Variants in HDAC2 observed in about 807,000 individuals in gnomAD.
The protein encoded by HDAC2 is YY1-associated factor 1.
Under a neutral mutation model 68.5 loss-of-function variants are expected in HDAC2, and 5 were observed. The observed-to-expected ratio is 0.07, with a 90% CI of 0.04 to 0.15. The LOEUF (loss-of-function observed/expected upper bound fraction) is 0.15. Among genes scored for constraint, HDAC2 ranks in the 10% least tolerant of loss-of-function variants. The probability of loss-of-function intolerance (pLI) is 1.00; values close to 1 mark genes in which losing one functional copy is unlikely to be tolerated. For missense variants in HDAC2, 291 were observed against 600.8 expected, an observed-to-expected ratio of 0.48 and a Z score of 5.39; for synonymous variants, 182 against 191.3, an observed-to-expected ratio of 0.95 and a Z score of 0.40.
rs768101468 is a variant in HDAC2, at chr6:113,948,885, C to T, written c.841+94G>A. The T allele has an allele frequency of 4.3e-6, 6 of 1,393,372 alleles. No individual in the cohort carries two copies. In the South Asian group the frequency reaches 6.9e-5, roughly 16 times the overall value. The allele number at this position is 1,393,372 out of a possible 1,614,324, so 86.3% of individuals were successfully genotyped here. On this transcript the variant is annotated intron_variant, in intron 8 of 13. Transcript: ENST00000519065. Reference sequence around the variant, plus strand: ...AATGCAGAGTACAGTGTTAAAACAGCAGGCAAGAAACTACAATGAGAACTT... The same window carrying T: ...AATGCAGAGTACAGTGTTAAAACAGTAGGCAAGAAACTACAATGAGAACTT...
In HDAC2 at chr6:113,970,988, G is replaced by T. The variant is rs755632737; in HGVS notation, c.-80C>A. The T allele has an allele frequency of 6.4e-7, 1 of 1,573,802 alleles. No individual in the cohort carries two copies. Among genetic ancestry groups the T allele is most frequent in the Admixed American group, 1.9e-5 (1 of 53,252 alleles). On this transcript the variant is annotated 5_prime_UTR_variant, in exon 1 of 14. Transcript: ENST00000519065. ...GCTGCTGCCGCCGCGGCTCGGCCGG[G>T]AGAGAAAAGGGCTGAGGGAAACGTG...
In HDAC2 at chr6:113,940,843, C is replaced by G. The variant is rs1262905506; in HGVS notation, c.*215G>C. 1.1e-5 allele frequency: 5 copies of G among 446,582 alleles called. No individual in the cohort carries two copies. Among genetic ancestry groups the G allele is most frequent in the Non-Finnish European group, 1.6e-5 (4 of 252,558 alleles). The allele number at this position is 446,582 out of a possible 1,614,324, so 27.7% of individuals were successfully genotyped here. A position where few individuals can be genotyped will look rare whatever the true frequency, so the allele number is the denominator to read the frequency against. The stretch of plus-strand genomic sequence containing the variant: ...CTCACATCAATTTTAAATACTATCA[C>G]ATAAAGCATGGTGGAGAAAAGAAAT... On this transcript the variant is annotated 3_prime_UTR_variant, in exon 14 of 14. Coordinates refer to ENST00000519065, the MANE Select transcript of HDAC2 (RefSeq NM_001527.4).
rs1285764442 is a variant in HDAC2, at chr6:113,956,601, G to C, written c.358+18C>G. The C allele has an allele frequency of 6.4e-7, 1 of 1,574,538 alleles. No individual in the cohort carries two copies. The highest frequency in any genetic ancestry group is 1.1e-5 in the South Asian group (1 of 90,140). On this transcript the variant is annotated intron_variant, in intron 4 of 13. Coordinates refer to ENST00000519065, the MANE Select transcript of HDAC2 (RefSeq NM_001527.4). ...CAAGTTCAGATCAACTTTTAAATCT[G>C]ATTGCATTAGCACTTACCAACTGAA... is the stretch of plus-strand genomic sequence containing the variant.
chr6:113,949,451 T>C (rs1776348234), intron 6 of HDAC2, 191 bp from the exon 7 acceptor site: 1 of 585,908 alleles, frequency 1.7e-6, no homozygotes, highest in African/African-American at 1.9e-5. Context: ...TATGCTCCAA[T>C]ATTTATAGAC....
chr6:113,964,697 T>C (rs1452773338), intron 1 of HDAC2, among the ~76,000 whole-genome samples: 1 of 152,224 alleles, frequency 6.6e-6, no homozygotes, highest in Non-Finnish European at 1.5e-5. Context: ...AATTTCTATG[T>C]CTAGACTCTC....
intron 5 of HDAC2, among the ~76,000 whole-genome samples, chr6:113,954,841 T>C (rs943584053): frequency 3.3e-5 from 5 of 150,402 alleles, no homozygotes. Flanking sequence ...TCATAACTGA[T>C]GGCAAAAAAT....
rs1381292857 is a variant in HDAC2 at position 113,936,412 on chromosome 6, A to AT, written c.*4645dup. 3.9e-5 allele frequency: 6 copies of AT among 152,036 alleles called. No individual in the cohort carries two copies. Among genetic ancestry groups the AT allele is most frequent in the African/African-American group, 1.2e-4 (5 of 41,386 alleles). 9.4% of individuals were successfully genotyped at this position (152,036 alleles called of 1,614,324 possible). On this transcript the variant is annotated 3_prime_UTR_variant, in exon 14 of 14. Coordinates refer to ENST00000519065, the MANE Select transcript of HDAC2 (RefSeq NM_001527.4). ...CCAATAATAACAATATGATAGTTCT[A>AT]TTTTTTCTGTAATCTACTTAATGCC...
intron 4 of HDAC2, 26 bp from the exon 5 acceptor site, chr6:113,956,177 T>C: frequency 6.4e-7 from 1 of 1,559,948 alleles, no homozygotes; most frequent in Non-Finnish European, 8.7e-7. Context: ...AAGATAGACC[T>C]TTTAAACATT....
At chr6:113,942,957 G>T (rs189277633) in intron 12 of HDAC2, among the ~76,000 whole-genome samples, 1 of 152,086 alleles carries the variant, frequency 6.6e-6, no homozygotes, top group Non-Finnish European at 1.5e-5. Context: ...CTAAGGATAT[G>T]TAACTCTTCT....
chr6:113,952,666 A>G (rs1158453119), intron 6 of HDAC2, among the ~76,000 whole-genome samples: 3 of 152,232 alleles, frequency 2.0e-5, no homozygotes, highest in Non-Finnish European at 2.9e-5. Flanking sequence ...AAAACCTTCA[A>G]TGAACTTATA....
rs1776017495 is a variant in HDAC2 at position 113,937,075 on chromosome 6, G to A, written c.*3983C>T. The A allele has an allele frequency of 6.6e-6, 1 of 152,060 alleles. No homozygotes were observed. The highest frequency in any genetic ancestry group is 1.5e-5 in the Non-Finnish European group (1 of 68,022). The allele number at this position is 152,060 out of a possible 1,614,324, so 9.4% of individuals were successfully genotyped here. A position where few individuals can be genotyped will look rare whatever the true frequency, so the allele number is the denominator to read the frequency against. On this transcript the variant is annotated 3_prime_UTR_variant, in exon 14 of 14. Transcript: ENST00000519065. The stretch of plus-strand genomic sequence containing the variant: ...TCAATCCTCACAACAAACCTATTAA[G>A]TAGGGACTATTATTTTCCTCATTTT...
In HDAC2 at chr6:113,940,331, T is replaced by C. The variant is rs1776101910; in HGVS notation, c.*727A>G. ...CAGGTTCCATTTTAAACCAGCAATA[T>C]ACTATAGGCAAGTCTGGTCAATACA... is the stretch of plus-strand genomic sequence containing the variant. On this transcript the variant is annotated 3_prime_UTR_variant, in exon 14 of 14. Coordinates refer to ENST00000519065, the MANE Select transcript of HDAC2 (RefSeq NM_001527.4). 6.6e-6 allele frequency: 1 copy of C among 152,190 alleles called. No individual in the cohort carries two copies. The highest frequency in any genetic ancestry group is 2.4e-5 in the African/African-American group (1 of 41,454). 9.4% of individuals were successfully genotyped at this position (152,190 alleles called of 1,614,324 possible).
At position 113,938,132 on chromosome 6, in the gene HDAC2, G is replaced by A. The variant is rs769902626; in HGVS notation, c.*2926C>T. On this transcript the variant is annotated 3_prime_UTR_variant, in exon 14 of 14. Transcript: ENST00000519065. Reference sequence around the variant, plus strand: ...ATTGCACACCAGCCTGGGCAACAGCGAGACTCCGTCTCAAAAAAAGAAAAA... The same window carrying A: ...ATTGCACACCAGCCTGGGCAACAGCAAGACTCCGTCTCAAAAAAAGAAAAA... The A allele has an allele frequency of 2.6e-5, 4 of 152,174 alleles. No individual in the cohort carries two copies. Among genetic ancestry groups the A allele is most frequent in the Non-Finnish European group, 5.9e-5 (4 of 68,052 alleles). The allele number at this position is 152,174 out of a possible 1,614,324, so 9.4% of individuals were successfully genotyped here.
intron 12 of HDAC2, 73 bp downstream of exon 12, chr6:113,943,278 G>A: frequency 8.1e-7 from 1 of 1,227,996 alleles, no homozygotes; most frequent in Non-Finnish European, 1.1e-6. Context: ...CTTCTCGATA[G>A]CATAAACATT....
chr6:113,956,655 A>G lies in HDAC2; in HGVS notation c.322T>C (p.Phe108Leu). ...GEDCPVFDGL[F>L]EFCQLSTGGS... ...CCAGTTGAGAGCTGACAAAACTCAAAGAGTCCATCAAACACTGGACAATCT... is the reference window on the plus strand; with the variant it reads ...CCAGTTGAGAGCTGACAAAACTCAAGGAGTCCATCAAACACTGGACAATCT... The change falls in exon 4 of 14, where the codon TTT becomes CTT. Residue 108 changes from phenylalanine (F) to leucine (L), a missense_variant. Transcript: ENST00000519065. 2.5e-6 allele frequency: 4 copies of G among 1,613,384 alleles called. No individual in the cohort carries two copies. Among genetic ancestry groups the G allele is most frequent in the Non-Finnish European group, 3.4e-6 (4 of 1,179,400 alleles).
At chr6:113,946,195 A>C (rs562803714) in intron 8 of HDAC2, 47 bp from the exon 9 acceptor site, 1 of 1,496,740 alleles carries the variant, frequency 6.7e-7, no homozygotes. Context: ...ATACTGCAAC[A>C]GTTCGAAAAA....
chr6:113,949,137 C>A (rs774616167), intron 7 of HDAC2, 31 bp downstream of exon 7: 3 of 1,606,090 alleles, frequency 1.9e-6, no homozygotes, highest in Admixed American at 3.3e-5. Context: ...TTCTGAAATT[C>A]CATTCCAATT....
chr6:113,953,264 A>C lies in HDAC2; in HGVS notation c.639+13T>G, dbSNP rs1313925882. The C allele has an allele frequency of 6.3e-7, 1 of 1,597,618 alleles. No homozygotes were observed. Among genetic ancestry groups the C allele is most frequent in the African/African-American group, 1.3e-5 (1 of 74,540 alleles). On this transcript the variant is annotated intron_variant, in intron 6 of 13. Coordinates refer to ENST00000519065, the MANE Select transcript of HDAC2 (RefSeq NM_001527.4). Reference sequence around the variant, plus strand: ...CATCTCACAATATTTTTTCAGACAGAATTTAGTCTTACCCTCAAGTCTCCT... The same window carrying C: ...CATCTCACAATATTTTTTCAGACAGCATTTAGTCTTACCCTCAAGTCTCCT...
chr6:113,951,291 A>C (rs1414598162), intron 6 of HDAC2, among the ~76,000 whole-genome samples: 1 of 152,230 alleles, frequency 6.6e-6, no homozygotes, highest in Non-Finnish European at 1.5e-5. Context: ...AGAATGAATT[A>C]GCAGGCAGAA....
Sources: gnomAD v4.1 joint callset for allele counts (sites outside exome capture counted in the v4.1 genomes callset) on GRCh38, gnomAD v4.1.1 for gene constraint, MANE v1.5 for transcripts, NCBI Gene and HGNC (gene_info 2026-07-23, HGNC 2026-07-21) for gene names.